The following SFT2D2 variants were observed in gnomAD, a reference collection of about 807,000 sequenced individuals.
SFT2D2 encodes the protein vesicle transport protein SFT2B.
A neutral mutation model predicts 27.4 loss-of-function variants in SFT2D2; 21 were observed. The ratio of observed to expected loss-of-function variants is 0.77; its 90% CI spans 0.54 to 1.10. The LOEUF is 1.10. Among genes scored for constraint, SFT2D2 ranks in the 50% least tolerant of loss-of-function variants. SFT2D2 has a pLI of 0.00. For synonymous variants in SFT2D2, 72 were observed against 71.7 expected, an observed-to-expected ratio of 1.00 and a Z score of -0.02; for missense variants, 187 against 194.2, an observed-to-expected ratio of 0.96 and a Z score of 0.22.
intron 7 of SFT2D2, among the ~76,000 whole-genome samples, chr1:168,241,814 T>C (rs897838480): frequency 2.0e-5 from 3 of 152,182 alleles, no homozygotes; most frequent in Non-Finnish European, 2.9e-5. Context: ...CTCATGGAAA[T>C]GCATCCATTC....
intron 6 of SFT2D2, 54 bp downstream of exon 6, chr1:168,236,824 C>T (rs1647517842): frequency 6.4e-7 from 1 of 1,569,962 alleles, no homozygotes; most frequent in African/African-American, 1.4e-5. Flanking sequence ...ATAATGTAGC[C>T]AAAGGAGATA....
chr1:168,246,376 A>G lies in SFT2D2; in HGVS notation c.*3836A>G, dbSNP rs1647812121. ...CATAATCTTACTTGCTTTTCTGTGC[A>G]TTTTTCTACTTTATCTTGGCCACTT... On this transcript the variant is annotated 3_prime_UTR_variant, in exon 8 of 8. Transcript: ENST00000271375. 1.7e-6 allele frequency: 1 copy of G among 599,188 alleles called. No individual in the cohort carries two copies. The highest frequency in any genetic ancestry group is 2.0e-5 in the South Asian group (1 of 50,844). The allele number at this position is 599,188 out of a possible 1,614,324, so 37.1% of individuals were successfully genotyped here. A position where few individuals can be genotyped will look rare whatever the true frequency, so the allele number is the denominator to read the frequency against.
chr1:168,229,249 T>G (rs568957917), intron 1 of SFT2D2, among the ~76,000 whole-genome samples: 13 of 152,328 alleles, frequency 8.5e-5, no homozygotes, highest in African/African-American at 2.9e-4. Context: ...GAGCGGAGTC[T>G]CGCTCTGTCG....
intron 1 of SFT2D2, among the ~76,000 whole-genome samples, chr1:168,226,379 G>T (rs867157091): frequency 1.3e-5 from 2 of 152,106 alleles, no homozygotes; most frequent in African/African-American, 2.4e-5. Context: ...AGGGGGCGGC[G>T]CAGGAGGAAA....
At chr1:168,227,966 T>G (rs1456652926) in intron 1 of SFT2D2, among the ~76,000 whole-genome samples, 2 of 152,234 alleles carry the variant, frequency 1.3e-5, no homozygotes, top group Non-Finnish European at 2.9e-5. Flanking sequence ...TGAACGTCTG[T>G]GTTGGATACT....
rs1308489125 is a variant in SFT2D2, at chr1:168,244,041, C to G, written c.*1501C>G. Reference sequence around the variant, plus strand: ...CTGGATTGCCTTTCTGTTCTTTGCACAGGGCCAACTGGTCCACTAGGGCTC... The same window carrying G: ...CTGGATTGCCTTTCTGTTCTTTGCAGAGGGCCAACTGGTCCACTAGGGCTC... On this transcript the variant is annotated 3_prime_UTR_variant, in exon 8 of 8. Transcript: ENST00000271375. The G allele has an allele frequency of 2.6e-5, 4 of 152,322 alleles. No individual in the cohort carries two copies. Among genetic ancestry groups the G allele is most frequent in the Non-Finnish European group, 5.9e-5 (4 of 68,132 alleles). The allele number at this position is 152,322 out of a possible 1,614,324, so 9.4% of individuals were successfully genotyped here.
intron 1 of SFT2D2, among the ~76,000 whole-genome samples, chr1:168,229,086 CAG>C (rs1332161287): frequency 6.6e-6 from 1 of 152,122 alleles, no homozygotes; most frequent in Non-Finnish European, 1.5e-5. Flanking sequence ...TTTTGGCAAA[CAG>C]AGTAACATTT....
Position 168,248,899 on chromosome 1 carries a change from A to G in SFT2D2, c.*6359A>G, listed in dbSNP as rs1647888298. ...GTAGAGTTGTTTATAGTATTCTCTA[A>G]TGGTAGTTTGTATTTCTGTGGTATC... On this transcript the variant is annotated 3_prime_UTR_variant, in exon 8 of 8. Transcript: ENST00000271375. 6.6e-6 allele frequency: 1 copy of G among 151,288 alleles called. No individual in the cohort carries two copies. The highest frequency in any genetic ancestry group is 2.4e-5 in the African/African-American group (1 of 41,164). The allele number at this position is 151,288 out of a possible 1,614,324, so 9.4% of individuals were successfully genotyped here.
At position 168,226,106 on chromosome 1, in the gene SFT2D2, C is replaced by T. The variant is rs146761972; in HGVS notation, c.27C>T (p.Ser9=). MDKLKKVL[S]GQDTEDRSGL... is the part of the protein sequence containing the mutation. ...TGGACAAGCTGAAGAAGGTGCTGAG[C>T]GGGCAGGACACGGAGGACCGGAGCG... Residue 9 remains serine, a synonymous_variant, in exon 1 of 8, where the codon AGC becomes AGT. Transcript: ENST00000271375. 2.5e-4 allele frequency: 385 copies of T among 1,534,444 alleles called. No individual in the cohort carries two copies. The African/African-American group carries it at 4.7e-3, about 19-fold the overall frequency.
In SFT2D2 at chr1:168,236,610, T is replaced by G; in HGVS notation, c.340T>G (p.Cys114Gly). 6.2e-7 allele frequency: 1 copy of G among 1,613,654 alleles called. No individual in the cohort carries two copies. Among genetic ancestry groups the G allele is most frequent in the Non-Finnish European group, 8.5e-7 (1 of 1,179,952 alleles). Residue 114 changes from cysteine (C) to glycine (G), a missense_variant, in exon 5 of 8, where the codon TGT (cysteine) becomes GGT (glycine). Physicochemically the swap from Cys to Gly is radical, Grantham distance 159 (BLOSUM62 -3). Transcript: ENST00000271375. ...TTAGTTGTGTTTTGCACTTACCCTG[T>G]GTTCTGCCTTTTGGGTAAATGTATA... is the stretch of plus-strand genomic sequence containing the variant. ...MVLLCFALTL[C>G]SAFWWHNKGL...
chr1:168,242,495 T>C lies in SFT2D2; in HGVS notation c.444-6T>C. ...TCCACTCATCTTTGTGTCTTTTCTTTCCTAGGGATGCTGTGAAGAAGTGTT... is the reference window on the plus strand; with the variant it reads ...TCCACTCATCTTTGTGTCTTTTCTTCCCTAGGGATGCTGTGAAGAAGTGTT... On this transcript the variant is annotated splice_polypyrimidine_tract_variant and splice_region_variant and intron_variant, in intron 7 of 7. Transcript: ENST00000271375. 2 of 1,614,156 alleles carry C rather than the reference T, an allele frequency of 1.2e-6. No homozygotes were observed. The highest frequency in any genetic ancestry group is 1.7e-6 in the Non-Finnish European group (2 of 1,179,996).
At chr1:168,235,305 A>G in intron 4 of SFT2D2, 123 bp downstream of exon 4, 1 of 918,504 alleles carries the variant, frequency 1.1e-6, no homozygotes, top group Admixed American at 1.9e-5. Context: ...TTATTACCCT[A>G]TTCCTATAAC....
chr1:168,242,309 A>G (rs567112375), intron 7 of SFT2D2, among the ~76,000 whole-genome samples, 192 bp from the exon 8 acceptor site: 3 of 152,304 alleles, frequency 2.0e-5, no homozygotes, highest in African/African-American at 7.2e-5. Context: ...AGGAATTTGA[A>G]ACTCAAACAG....
rs758784826 is a variant in SFT2D2, at chr1:168,236,622, TG to T, written c.354+1del. ...CFALTLCSAFWWHNKGLALIF... is the reference protein window; with the variant it reads ...CFALTLCSAFXWHNKGLALIF... ...TGCACTTACCCTGTGTTCTGCCTTT[TG>T]GGTAAATGTATATTTTAATTTTTCT... On this transcript the variant is annotated frameshift_variant and splice_region_variant, in exon 5 of 8. Coordinates refer to ENST00000271375, the MANE Select transcript of SFT2D2 (RefSeq NM_199344.3). LOFTEE classifies it high-confidence loss of function. The T allele has an allele frequency of 4.3e-6, 7 of 1,613,754 alleles. No homozygotes were observed. In the South Asian group the frequency reaches 7.7e-5, roughly 18 times the overall value.
At chr1:168,226,172 C>T in intron 1 of SFT2D2, 30 bp downstream of exon 1, 2 of 1,520,970 alleles carry the variant, frequency 1.3e-6, no homozygotes, top group Non-Finnish European at 8.8e-7. Flanking sequence ...TCGGCCCCCT[C>T]TCGCCGCGCT....
At chr1:168,242,381 G>A (rs972818723) in intron 7 of SFT2D2, 120 bp from the exon 8 acceptor site, 1 of 1,020,682 alleles carries the variant, frequency 9.8e-7, no homozygotes, top group Non-Finnish European at 1.6e-6. Flanking sequence ...TTGATGCTGT[G>A]AAGGTCTGAT....
intron 6 of SFT2D2, among the ~76,000 whole-genome samples, chr1:168,237,655 A>G (rs1014075168): frequency 2.6e-5 from 4 of 152,132 alleles, no homozygotes; most frequent in African/African-American, 9.7e-5. Flanking sequence ...GAATTGGTTA[A>G]CTCCTATTTG....
At chr1:168,240,023 A>G (rs1488923191) in intron 7 of SFT2D2, among the ~76,000 whole-genome samples, 1 of 151,824 alleles carries the variant, frequency 6.6e-6, no homozygotes, top group African/African-American at 2.4e-5. Context: ...AAAATACAAA[A>G]TATTAGCTGG....
chr1:168,245,689 G>A lies in SFT2D2; in HGVS notation c.*3149G>A, dbSNP rs1647789890. 1 of 151,188 alleles carries A rather than the reference G, an allele frequency of 6.6e-6. No homozygotes were observed. Among genetic ancestry groups the A allele is most frequent in the East Asian group, 1.9e-4 (1 of 5,138 alleles). 9.4% of individuals were successfully genotyped at this position (151,188 alleles called of 1,614,324 possible). On this transcript the variant is annotated 3_prime_UTR_variant, in exon 8 of 8. Coordinates refer to ENST00000271375, the MANE Select transcript of SFT2D2 (RefSeq NM_199344.3). ...CTGGTTCCTAACAGGTCATGGACCT[G>A]TCCATGGCCTGTAGGTTGGGAACCT...
Sources: allele counts gnomAD v4.1 joint callset (sites outside exome capture counted in the v4.1 genomes callset), GRCh38; gene constraint gnomAD v4.1.1; transcripts MANE v1.5; gene names NCBI Gene and HGNC (gene_info 2026-07-23, HGNC 2026-07-21).